The following EFCAB6 variants were observed in gnomAD, a reference collection of about 807,000 sequenced individuals.
EFCAB6 encodes EF-hand calcium binding domain 6, also known as EF-hand calcium-binding domain-containing protein 6.
EFCAB6 carries 156 observed loss-of-function variants against 169.8 expected under a neutral mutation model. The observed-to-expected ratio is 0.92, with a 90% CI of 0.81 to 1.05. The LOEUF is 1.05. Ranked by LOEUF, EFCAB6 falls within the 50% of genes least tolerant of loss-of-function variation. The probability of loss-of-function intolerance (pLI) is 0.00; values close to 1 mark genes in which losing one functional copy is unlikely to be tolerated. For missense variants in EFCAB6, 1,800 were observed against 1,829.1 expected (o/e 0.98, Z 0.29); for synonymous variants, 698 against 676.4 (o/e 1.03, Z -0.50).
intron 26 of EFCAB6, among the ~76,000 whole-genome samples, chr22:43,566,501 A>C (rs1371799127): frequency 6.6e-6 from 1 of 152,156 alleles, no homozygotes; most frequent in Non-Finnish European, 1.5e-5. Flanking sequence ...GGGAACAGGG[A>C]ATCTTCTCTG....
At chr22:43,608,676 A>C in intron 21 of EFCAB6, 76 bp from the exon 22 acceptor site, 2 of 1,394,172 alleles carry the variant, frequency 1.4e-6, no homozygotes, top group Non-Finnish European at 2.0e-6. Flanking sequence ...CAATTAGTCA[A>C]TATGTGGGAA....
chr22:43,671,867 C>T, intron 15 of EFCAB6, 106 bp downstream of exon 15: 2 of 1,310,934 alleles, frequency 1.5e-6, no homozygotes, highest in South Asian at 1.5e-5. Flanking sequence ...CAGTTATTAT[C>T]AATACTACCT....
At chr22:43,718,155 T>C (rs2059400676) in intron 8 of EFCAB6, among the ~76,000 whole-genome samples, 1 of 152,202 alleles carries the variant, frequency 6.6e-6, no homozygotes. Context: ...ATTCAGGTAG[T>C]AGAATTATAC....
intron 26 of EFCAB6, among the ~76,000 whole-genome samples, chr22:43,566,117 G>A (rs748565042): frequency 6.6e-6 from 1 of 152,136 alleles, no homozygotes. Context: ...AGAAACGGAC[G>A]CTGGCCTCCG....
At chr22:43,722,539 A>AC (rs2059573342) in intron 8 of EFCAB6, among the ~76,000 whole-genome samples, 1 of 151,676 alleles carries the variant, frequency 6.6e-6, no homozygotes, top group Non-Finnish European at 1.5e-5. Context: ...CAAAAAAAAA[A>AC]AAAAGTCAAA....
intron 23 of EFCAB6, among the ~76,000 whole-genome samples, chr22:43,594,315 C>A (rs919567026): frequency 9.8e-5 from 14 of 142,770 alleles, no homozygotes; most frequent in South Asian, 2.4e-4. Flanking sequence ...ACATGAGTAA[C>A]TAGTTTTAAA....
In EFCAB6 at chr22:43,716,923, C is replaced by T; in HGVS notation, c.807G>A (p.Leu269=). 6.3e-7 allele frequency: 1 copy of T among 1,580,708 alleles called. No homozygotes were observed. The highest frequency in any genetic ancestry group is 8.6e-7 in the Non-Finnish European group (1 of 1,165,574). The change falls in exon 9 of 32, where the codon TTG becomes TTA. Residue 269 remains leucine (L), a synonymous_variant. Transcript: ENST00000262726. ...QQAKNSKKER[L]LGSASSEDIW... ...TATCTTCAGATGATGCAGAACCTAG[C>T]AAACGTTCCTTTTTGGAATTTTTGG...
intron 22 of EFCAB6, among the ~76,000 whole-genome samples, chr22:43,603,465 G>A (rs909072319): frequency 6.6e-6 from 1 of 152,222 alleles, no homozygotes; most frequent in Admixed American, 6.5e-5. Context: ...GGATGGTGAC[G>A]GCCACTAATT....
chr22:43,689,450 TTC>T lies in EFCAB6; in HGVS notation c.1032-1871_1032-1870del, dbSNP rs1323432644. Among the ~76,000 whole-genome samples, 6 of 151,916 alleles carry T rather than the reference TTC, an allele frequency of 3.9e-5. No individual in the cohort carries two copies. In the East Asian group the frequency reaches 1.2e-3, roughly 29 times the overall value. ...CAGGCCTTAATAGAGAAGGCTTGCT[TTC>T]TCTCTTCCCAGATTCCCAGGGGCTG... is the stretch of plus-strand genomic sequence containing the variant. On this transcript the variant is annotated intron_variant, in intron 10 of 31. Coordinates refer to ENST00000262726, the MANE Select transcript of EFCAB6 (RefSeq NM_022785.4).
At chr22:43,789,253 A>G (rs773016927) in intron 2 of EFCAB6, among the ~76,000 whole-genome samples, 7 of 152,282 alleles carry the variant, frequency 4.6e-5, no homozygotes, top group Non-Finnish European at 1.0e-4. Context: ...ACACTTTGAA[A>G]GGATGTGAAT....
chr22:43,646,706 A>C (rs146044356), intron 17 of EFCAB6, among the ~76,000 whole-genome samples: 8 of 152,354 alleles, frequency 5.3e-5, no homozygotes, highest in Admixed American at 1.3e-4. Flanking sequence ...TTCTCTGATA[A>C]AACAATGGGA....
chr22:43,552,305 G>A (rs1309852332), intron 27 of EFCAB6: 1 of 152,064 alleles, frequency 6.6e-6, no homozygotes, highest in South Asian at 2.1e-4. Flanking sequence ...ATATTCCTTG[G>A]GGCATATACC....
At chr22:43,601,682 C>T (rs796584485) in intron 22 of EFCAB6, among the ~76,000 whole-genome samples, 1 of 152,206 alleles carries the variant, frequency 6.6e-6, no homozygotes, top group Non-Finnish European at 1.5e-5. Flanking sequence ...TTCTTATTGA[C>T]CACGTTCTTG....
intron 22 of EFCAB6, among the ~76,000 whole-genome samples, chr22:43,605,500 G>A (rs1310677594): frequency 6.6e-6 from 1 of 152,136 alleles, no homozygotes; most frequent in Non-Finnish European, 1.5e-5. Flanking sequence ...AAAATTAGCT[G>A]AGCGTGGTGG....
intron 10 of EFCAB6, among the ~76,000 whole-genome samples, chr22:43,696,515 T>C (rs1385851121): frequency 6.6e-6 from 1 of 152,188 alleles, no homozygotes; most frequent in Non-Finnish European, 1.5e-5. Flanking sequence ...CAGTATCTTC[T>C]GTAATTACCC....
chr22:43,748,705 C>T (rs2060650941), intron 6 of EFCAB6, among the ~76,000 whole-genome samples: 1 of 152,180 alleles, frequency 6.6e-6, no homozygotes, highest in Non-Finnish European at 1.5e-5. Flanking sequence ...TGCCTGCTCC[C>T]ACAGAACACA....
At chr22:43,586,612 G>A (rs549071306) in intron 24 of EFCAB6, among the ~76,000 whole-genome samples, 2 of 152,248 alleles carry the variant, frequency 1.3e-5, no homozygotes, top group South Asian at 2.1e-4. Flanking sequence ...AAAAGTGTAT[G>A]AGAATAAGAC....
intron 13 of EFCAB6, 90 bp downstream of exon 13, chr22:43,677,906 A>T: frequency 1.5e-6 from 2 of 1,317,214 alleles, no homozygotes; most frequent in Non-Finnish European, 2.1e-6. Flanking sequence ...TAATTTATTT[A>T]AACCATATTT....
At chr22:43,672,401 G>C (rs2057532780) in intron 13 of EFCAB6, 96 bp from the exon 14 acceptor site, 1 of 1,311,698 alleles carries the variant, frequency 7.6e-7, no homozygotes, top group Admixed American at 2.0e-5. Flanking sequence ...TCCTAGCTCT[G>C]TCCCTAATTA....
Sources: gnomAD v4.1 joint callset for allele counts (sites outside exome capture counted in the v4.1 genomes callset) on GRCh38, gnomAD v4.1.1 for gene constraint, MANE v1.5 for transcripts, NCBI Gene and HGNC (gene_info 2026-07-23, HGNC 2026-07-21) for gene names.